Variants in AIDA observed in about 807,000 individuals in gnomAD.
The protein encoded by AIDA is axin interactor, dorsalization associated.
Under a neutral mutation model 42.7 loss-of-function variants are expected in AIDA, and 18 were observed. The ratio of observed to expected loss-of-function variants is 0.42; its 90% CI spans 0.29 to 0.63. AIDA has a LOEUF of 0.63. Among genes scored for constraint, AIDA ranks in the 20% least tolerant of loss-of-function variants. The pLI, the probability that AIDA is intolerant of heterozygous loss-of-function variation, is 0.19. For synonymous variants in AIDA, 104 were observed against 122.9 expected, an observed-to-expected ratio of 0.85 and a Z score of 1.02; for missense variants, 250 against 354.1, an observed-to-expected ratio of 0.71 and a Z score of 2.36.
At chr1:222,681,755 C>A (rs963196785) in intron 6 of AIDA, among the ~76,000 whole-genome samples, 6 of 152,288 alleles carry the variant, frequency 3.9e-5, no homozygotes, top group African/African-American at 1.4e-4. Flanking sequence ...ATAGCCACTG[C>A]CACCATGGGG....
At chr1:222,674,394 G>A (rs1007224166) in intron 7 of AIDA, among the ~76,000 whole-genome samples, 2 of 152,118 alleles carry the variant, frequency 1.3e-5, no homozygotes, top group Non-Finnish European at 2.9e-5. Flanking sequence ...TAGGAGATAG[G>A]CCACTATATT....
At chr1:222,711,512 G>A (rs933080073) in intron 1 of AIDA, 3 of 152,202 alleles carry the variant, frequency 2.0e-5, no homozygotes, top group African/African-American at 7.2e-5. Flanking sequence ...TCCACCCAAG[G>A]CAACCGAGCG....
Position 222,696,906 on chromosome 1 carries a change from C to T in AIDA, c.181-2643G>A, listed in dbSNP as rs538286395. Among the ~76,000 whole-genome samples the T allele has an allele frequency of 2.6e-5, 4 of 152,032 alleles. No individual in the cohort carries two copies. In the South Asian group the frequency reaches 8.3e-4, roughly 32 times the overall value. The stretch of plus-strand genomic sequence containing the variant: ...ACCAATAAACTATTTTAAATTTAAA[C>T]ATTTCTTGAAGCAGAAGCAACAGGT... On this transcript the variant is annotated intron_variant, in intron 2 of 9. Transcript: ENST00000340020.
At chr1:222,673,161 T>C (rs1558206270) in intron 8 of AIDA, 152 bp downstream of exon 8, 1 of 649,610 alleles carries the variant, frequency 1.5e-6, no homozygotes, top group Admixed American at 4.0e-5. Context: ...ATTTCTACAT[T>C]TTAAAAATAT....
intron 2 of AIDA, among the ~76,000 whole-genome samples, chr1:222,698,979 C>A (rs1655603017): frequency 6.6e-6 from 1 of 151,832 alleles, no homozygotes; most frequent in Non-Finnish European, 1.5e-5. Flanking sequence ...GTGCCCGCCA[C>A]CACGCCTGGC....
chr1:222,689,520 T>TACACAC lies in AIDA; in HGVS notation c.290-1868_290-1863dup, dbSNP rs1553294405. On this transcript the variant is annotated intron_variant, in intron 4 of 9. Transcript: ENST00000340020. ...ATATATATATATATATATATATATA[T>TACACAC]ACACACATACACACACACACATATA... Among the ~76,000 whole-genome samples, 83 of 58,102 alleles carry TACACAC rather than the reference T, an allele frequency of 1.4e-3. 1 individual carries two copies. The highest frequency in any genetic ancestry group is 6.0e-3 in the South Asian group (10 of 1,678). 38.1% of individuals were successfully genotyped at this position (58,102 alleles called of 152,430 possible). A position where few individuals can be genotyped will look rare whatever the true frequency, so the allele number is the denominator to read the frequency against.
In AIDA at chr1:222,712,282, C is replaced by T; in HGVS notation, c.36G>A (p.Trp12Ter). The change falls in exon 1 of 10, where the codon TGG (tryptophan) becomes TGA (stop). Residue 12 changes from tryptophan (W) to a stop codon, truncating the protein, a stop_gained. Transcript: ENST00000340020. LOFTEE classifies it high-confidence loss of function. ...CGGCGCCTCTCCTAAAACTGGCGCC[C>T]CAGCGCTGCAGCAGACTCCGGGTCA... ...SEVTRSLLQR[W>*]GASFRRGADF... 1 of 1,581,278 alleles carries T rather than the reference C, an allele frequency of 6.3e-7. No homozygotes were observed. The highest frequency in any genetic ancestry group is 8.6e-7 in the Non-Finnish European group (1 of 1,163,658).
At chr1:222,677,941 G>A (rs1429422747) in intron 6 of AIDA, among the ~76,000 whole-genome samples, 1 of 152,042 alleles carries the variant, frequency 6.6e-6, no homozygotes, top group African/African-American at 2.4e-5. Flanking sequence ...CACATTATTG[G>A]AGGTGTATCT....
rs1200056463 is a variant in AIDA, at chr1:222,668,779, G to GT, written c.*1113dup. 1.5e-4 allele frequency: 22 copies of GT among 141,968 alleles called. No individual in the cohort carries two copies. The Admixed American group carries it at 1.6e-3, about 10-fold the overall frequency. 8.8% of individuals were successfully genotyped at this position (141,968 alleles called of 1,614,324 possible). A position where few individuals can be genotyped will look rare whatever the true frequency, so the allele number is the denominator to read the frequency against. On this transcript the variant is annotated 3_prime_UTR_variant, in exon 10 of 10. Coordinates refer to ENST00000340020, the MANE Select transcript of AIDA (RefSeq NM_022831.4). ...AGAAAGCCCACCGCAAATGTTCTGT[G>GT]TATCAAATATCCACCTCATGTGTAC...
chr1:222,703,309 C>T, intron 1 of AIDA, 92 bp from the exon 2 acceptor site: 2 of 827,528 alleles, frequency 2.4e-6, no homozygotes, highest in Non-Finnish European at 3.7e-6. Flanking sequence ...ATGTGAAGTA[C>T]AATTATTGTC....
chr1:222,672,741 G>A (rs572147097), intron 8 of AIDA, among the ~76,000 whole-genome samples: 544 of 152,328 alleles, frequency 3.6e-3, no homozygotes, highest in Middle Eastern at 6.8e-3. Context: ...GAACATTTCA[G>A]AAACTGCAAC....
rs1655450791 is a variant in AIDA at position 222,694,134 on chromosome 1, T to C, written c.234+76A>G. 1.4e-5 allele frequency: 19 copies of C among 1,332,122 alleles called. 1 individual carries two copies. The South Asian group carries it at 2.5e-4, about 18-fold the overall frequency. 82.5% of individuals were successfully genotyped at this position (1,332,122 alleles called of 1,614,324 possible). A position where few individuals can be genotyped will look rare whatever the true frequency, so the allele number is the denominator to read the frequency against. ...TTCTGAGACAATACTGCTTTTGACATAAATGTCTAATGTTTTATCACAATA... is the reference window on the plus strand; with the variant it reads ...TTCTGAGACAATACTGCTTTTGACACAAATGTCTAATGTTTTATCACAATA... On this transcript the variant is annotated intron_variant, in intron 3 of 9. Transcript: ENST00000340020.
rs977753340 is a variant in AIDA, at chr1:222,682,593, T to C, written c.460+4337A>G. Reference sequence around the variant, plus strand: ...CATAATATATACATATGATAATATATATACCCATGATAATATATGCATTGC... The same window carrying C: ...CATAATATATACATATGATAATATACATACCCATGATAATATATGCATTGC... On this transcript the variant is annotated intron_variant, in intron 6 of 9. Coordinates refer to ENST00000340020, the MANE Select transcript of AIDA (RefSeq NM_022831.4). 3.3e-5 allele frequency among the ~76,000 whole-genome samples: 5 copies of C among 152,168 alleles called. 1 individual carries two copies. The highest frequency in any genetic ancestry group is 3.3e-4 in the Admixed American group (5 of 15,260).
chr1:222,701,480 T>C (rs1318735949), intron 2 of AIDA, among the ~76,000 whole-genome samples: 1 of 152,206 alleles, frequency 6.6e-6, no homozygotes, highest in African/African-American at 2.4e-5. Context: ...AATTTATATA[T>C]GTGGCTATCT....
At chr1:222,686,845 C>A in intron 6 of AIDA, 85 bp downstream of exon 6, 1 of 1,488,918 alleles carries the variant, frequency 6.7e-7, no homozygotes, top group Non-Finnish European at 9.0e-7. Context: ...TTGTACTGCC[C>A]CACTAGCAAA....
chr1:222,687,105 A>G (rs1655217089), intron 5 of AIDA, 69 bp from the exon 6 acceptor site: 1 of 1,559,620 alleles, frequency 6.4e-7, no homozygotes. Flanking sequence ...CCTCACAGAC[A>G]CTCGTTTCCC....
chr1:222,677,104 T>C (rs1328259757), intron 6 of AIDA, among the ~76,000 whole-genome samples: 1 of 152,146 alleles, frequency 6.6e-6, no homozygotes, highest in East Asian at 1.9e-4. Flanking sequence ...CACAAAAGTC[T>C]TATACTTCTT....
chr1:222,700,971 T>TTGGGGGG lies in AIDA; in HGVS notation c.180+2176_180+2177insCCCCCCA, dbSNP rs1553295514. Among the ~76,000 whole-genome samples, 20 of 105,026 alleles carry TTGGGGGG rather than the reference T, an allele frequency of 1.9e-4. 4 individuals are homozygous for TTGGGGGG. Among genetic ancestry groups the TTGGGGGG allele is most frequent in the African/African-American group, 4.5e-4 (11 of 24,464 alleles). The allele number at this position is 105,026 out of a possible 152,430, so 68.9% of individuals were successfully genotyped here. A position where few individuals can be genotyped will look rare whatever the true frequency, so the allele number is the denominator to read the frequency against. On this transcript the variant is annotated intron_variant, in intron 2 of 9. Transcript: ENST00000340020. The stretch of plus-strand genomic sequence containing the variant: ...GATAGACTCATTTCTTGATTTTTTT[T>TTGGGGGG]GGGGGGGGGGGGACAGGGTCTCACT...
intron 2 of AIDA, among the ~76,000 whole-genome samples, chr1:222,699,122 G>A (rs1655608995): frequency 6.6e-6 from 1 of 152,142 alleles, no homozygotes; most frequent in Admixed American, 6.5e-5. Flanking sequence ...ACCCCGTCTG[G>A]CCAAAGTATG....
Sources: gnomAD v4.1 joint callset for allele counts (sites outside exome capture counted in the v4.1 genomes callset) on GRCh38, gnomAD v4.1.1 for gene constraint, MANE v1.5 for transcripts, NCBI Gene and HGNC (gene_info 2026-07-23, HGNC 2026-07-21) for gene names.